CELF1: variants seen among roughly 807,000 people sequenced by gnomAD.
CELF1 encodes the protein CUGBP Elav-like family member 1.
A neutral mutation model predicts 61.8 loss-of-function variants in CELF1; 10 were observed. The observed-to-expected ratio is 0.16, with a 90% CI of 0.10 to 0.27. The LOEUF (loss-of-function observed/expected upper bound fraction) is 0.27. Among genes scored for constraint, CELF1 ranks in the 10% least tolerant of loss-of-function variants. The pLI is 1.00. For synonymous variants in CELF1, 236 were observed against 225.1 expected, an observed-to-expected ratio of 1.05 and a Z score of -0.43; for missense variants, 380 against 639.1, an observed-to-expected ratio of 0.59 and a Z score of 4.37.
At chr11:47,472,468 A>G in intron 14 of CELF1, 111 bp from the exon 15 acceptor site, 1 of 1,184,192 alleles carries the variant, frequency 8.4e-7, no homozygotes, top group Non-Finnish European at 1.2e-6. Flanking sequence ...AATTTTATTC[A>G]GCAGGGACAA....
intron 2 of CELF1, among the ~76,000 whole-genome samples, chr11:47,500,614 TTAAACTGTTGA>T (rs1267014697): frequency 1.3e-5 from 2 of 152,142 alleles, no homozygotes; most frequent in Non-Finnish European, 2.9e-5. Flanking sequence ...TTTTCCTCCT[TTAAACTGTTGA>T]TAAAACCAAG....
chr11:47,534,060 C>T (rs1312816691), intron 1 of CELF1, among the ~76,000 whole-genome samples: 4 of 111,116 alleles, frequency 3.6e-5, no homozygotes, highest in Non-Finnish European at 5.2e-5. Context: ...TAGAGTTTCA[C>T]TCTTGTTGCC....
At chr11:47,533,809 C>CTA (rs2096554582) in intron 1 of CELF1, among the ~76,000 whole-genome samples, 1 of 85,336 alleles carries the variant, frequency 1.2e-5, no homozygotes, top group African/African-American at 4.7e-5. Flanking sequence ...GACTCTCCCC[C>CTA]AAAAAAAAAA....
At chr11:47,563,102 A>G (rs1016015568) in intron 2 of CELF1, among the ~76,000 whole-genome samples, 2 of 151,472 alleles carry the variant, frequency 1.3e-5, no homozygotes, top group Non-Finnish European at 2.9e-5. Context: ...TGTAGTCTCA[A>G]CTCCTTGGGA....
chr11:47,486,802 A>G lies in CELF1; in HGVS notation c.343-4T>C. 6.2e-7 allele frequency: 1 copy of G among 1,603,262 alleles called. No individual in the cohort carries two copies. Among genetic ancestry groups the G allele is most frequent in the Non-Finnish European group, 8.5e-7 (1 of 1,170,104 alleles). ...TCATCTGTATAGGGTGATGCATCTG[A>G]AAAGGAAAAATATGATTATTATCAC... On this transcript the variant is annotated splice_region_variant and splice_polypyrimidine_tract_variant and intron_variant, in intron 5 of 14. Coordinates refer to ENST00000687097, the MANE Select transcript of CELF1 (RefSeq NM_001376376.1).
Position 47,475,487 on chromosome 11 carries a change from A to AATG in CELF1, c.1121_1122insCAT (p.Ser374_Gly375insIle), listed in dbSNP as rs749959777. 6.2e-7 allele frequency: 1 copy of AATG among 1,614,026 alleles called. No homozygotes were observed. Among genetic ancestry groups the AATG allele is most frequent in the South Asian group, 1.1e-5 (1 of 91,074 alleles). ...TGCTCCCGGTGCCATTGGAAAGGCCACTGCTGCCCAGGCCACCATTTAAAG... is the reference window on the plus strand; with the variant it reads ...TGCTCCCGGTGCCATTGGAAAGGCCAATGCTGCTGCCCAGGCCACCATTTAAAG... On this transcript the variant is annotated inframe_insertion, in exon 13 of 15. Coordinates refer to ENST00000687097, the MANE Select transcript of CELF1 (RefSeq NM_001376376.1).
Position 47,563,298 on chromosome 11 carries a change from G to C in CELF1, c.-11+1053C>G, listed in dbSNP as rs1233960410. Reference sequence around the variant, plus strand: ...GTAAATCTATACAGTCAGAAAGCAGGTTAGTAGTGTTTGCCTAAGGCTGGA... The same window carrying C: ...GTAAATCTATACAGTCAGAAAGCAGCTTAGTAGTGTTTGCCTAAGGCTGGA... On this transcript the variant is annotated intron_variant, in intron 2 of 3. Transcript: ENST00000525841. Among the ~76,000 whole-genome samples, 3 of 152,318 alleles carry C rather than the reference G, an allele frequency of 2.0e-5. No homozygotes were observed. In the South Asian group the frequency reaches 6.2e-4, roughly 32 times the overall value.
intron 1 of CELF1, among the ~76,000 whole-genome samples, chr11:47,511,362 G>GAAATATGAGGTAATCTCTTGGA (rs2095152605): frequency 6.6e-6 from 1 of 152,092 alleles, no homozygotes; most frequent in African/African-American, 2.4e-5. Context: ...AACCTCTTGG[G>GAAATATGAGGTAATCTCTTGGA]AAATATGAGA....
chr11:47,545,915 A>ATAT (rs1182565127), intron 1 of CELF1, among the ~76,000 whole-genome samples: 1 of 135,844 alleles, frequency 7.4e-6, no homozygotes, highest in Non-Finnish European at 1.6e-5. Context: ...GTATATATAT[A>ATAT]TTTTTTTTTT....
intron 1 of CELF1, among the ~76,000 whole-genome samples, chr11:47,504,313 C>T (rs1336752689): frequency 6.6e-6 from 1 of 151,544 alleles, no homozygotes; most frequent in South Asian, 2.1e-4. Context: ...TGGCTGGGCA[C>T]AGTGGGAAAC....
At chr11:47,509,931 G>C (rs866674884) in intron 1 of CELF1, among the ~76,000 whole-genome samples, 2 of 151,532 alleles carry the variant, frequency 1.3e-5, no homozygotes, top group East Asian at 3.9e-4. Context: ...ACATGGTGGC[G>C]TGCACCTGTA....
At chr11:47,546,912 A>G (rs952790912) in intron 1 of CELF1, among the ~76,000 whole-genome samples, 13 of 151,920 alleles carry the variant, frequency 8.6e-5, no homozygotes, top group Non-Finnish European at 1.5e-4. Flanking sequence ...CTAAAAATAC[A>G]AAAAATTAGC....
chr11:47,552,031 AG>A (rs1423759475), intron 1 of CELF1, among the ~76,000 whole-genome samples: 2 of 151,630 alleles, frequency 1.3e-5, no homozygotes, highest in African/African-American at 2.4e-5. Context: ...AAAAAAAAAA[AG>A]ATGAAGTTCT....
intron 3 of CELF1, among the ~76,000 whole-genome samples, chr11:47,493,853 G>C (rs1459841250): frequency 3.3e-5 from 5 of 152,246 alleles, no homozygotes; most frequent in African/African-American, 9.6e-5. Context: ...TGTGTCTGAA[G>C]AGAAACAACA....
Position 47,484,587 on chromosome 11 carries a change from T to G in CELF1, c.392-64A>C, listed in dbSNP as rs2085467067. 4.8e-6 allele frequency: 7 copies of G among 1,471,276 alleles called. No homozygotes were observed. In the East Asian group the frequency reaches 1.6e-4, roughly 34 times the overall value. 91.1% of individuals were successfully genotyped at this position (1,471,276 alleles called of 1,614,324 possible). Reference sequence around the variant, plus strand: ...TTAAAGAGGCAATGTGGCACAGATTTGGGAGCCAGACCGCCTGGGTTTGAA... The same window carrying G: ...TTAAAGAGGCAATGTGGCACAGATTGGGGAGCCAGACCGCCTGGGTTTGAA... On this transcript the variant is annotated intron_variant, in intron 6 of 14. Coordinates refer to ENST00000687097, the MANE Select transcript of CELF1 (RefSeq NM_001376376.1).
chr11:47,519,534 C>T (rs1333947490), intron 1 of CELF1, among the ~76,000 whole-genome samples: 1 of 151,086 alleles, frequency 6.6e-6, no homozygotes, highest in Non-Finnish European at 1.5e-5. Context: ...TAAGGTACTT[C>T]AATTATCATG....
chr11:47,481,081 GTTTTTTTTTTTTTTCTTCTTCTTTTTTT>G lies in CELF1; in HGVS notation c.768+1586_768+1613del, dbSNP rs1354387277. Among the ~76,000 whole-genome samples the G allele has an allele frequency of 3.4e-3, 314 of 92,866 alleles. 6 individuals carry two copies. Among genetic ancestry groups the G allele is most frequent in the Middle Eastern group, 0.022 (3 of 136 alleles). 60.9% of individuals were successfully genotyped at this position (92,866 alleles called of 152,430 possible). ...GAAATACTAGCTAGGATAAACTGGG[GTTTTTTTTTTTTTTCTTCTTCTTTTTTT>G]TTTTTTTTTTTTTTTTTTGTGAGAC... is the stretch of plus-strand genomic sequence containing the variant. On this transcript the variant is annotated intron_variant, in intron 9 of 14. Transcript: ENST00000687097.
rs531140290 is a variant in CELF1, at chr11:47,505,931, G to A, written c.-153-4999C>T. Among the ~76,000 whole-genome samples, 13 of 120,646 alleles carry A rather than the reference G, an allele frequency of 1.1e-4. No individual in the cohort carries two copies. In the South Asian group the frequency reaches 3.7e-3, roughly 35 times the overall value. The allele number at this position is 120,646 out of a possible 152,430, so 79.1% of individuals were successfully genotyped here. ...GCCTGGGTGACAAGAGTGAAACTCT[G>A]TCTCCAAAAAAAAAAAAAAAAAGTA... On this transcript the variant is annotated intron_variant, in intron 1 of 14. Coordinates refer to ENST00000687097, the MANE Select transcript of CELF1 (RefSeq NM_001376376.1).
chr11:47,548,823 A>G (rs1011766775), intron 1 of CELF1, among the ~76,000 whole-genome samples: 19 of 146,244 alleles, frequency 1.3e-4, no homozygotes, highest in Non-Finnish European at 2.1e-4. Context: ...CAGAGATCAC[A>G]CCACTGCACT....
Sources: allele counts gnomAD v4.1 joint callset (sites outside exome capture counted in the v4.1 genomes callset), GRCh38; gene constraint gnomAD v4.1.1; transcripts MANE v1.5; gene names NCBI Gene and HGNC (gene_info 2026-07-23, HGNC 2026-07-21).